ANAPC1: variants seen among roughly 807,000 people sequenced by gnomAD.
The protein encoded by ANAPC1 is anaphase-promoting complex subunit 1.
A neutral mutation model predicts 208.0 loss-of-function variants in ANAPC1; 36 were observed. The observed-to-expected ratio is 0.17, with a 90% CI of 0.13 to 0.23. ANAPC1 has a LOEUF of 0.23. Among genes scored for constraint, ANAPC1 ranks in the 10% least tolerant of loss-of-function variants. The pLI, the probability that ANAPC1 is intolerant of heterozygous loss-of-function variation, is 1.00. For synonymous variants in ANAPC1, 378 were observed against 695.2 expected (o/e 0.54, Z 7.18); for missense variants, 942 against 2,011.6 (o/e 0.47, Z 10.17).
chr2:111,825,765 G>C lies in ANAPC1; in HGVS notation c.2704+12C>G. 1.2e-6 allele frequency: 2 copies of C among 1,606,816 alleles called. No individual in the cohort carries two copies. The highest frequency in any genetic ancestry group is 1.7e-6 in the Non-Finnish European group (2 of 1,177,636). ...AAAATTTGTTTCCAGAGGCAACATT[G>C]CACCAACTTACCTATAGTTATTCTG... On this transcript the variant is annotated intron_variant, in intron 22 of 47. Transcript: ENST00000341068.
intron 29 of ANAPC1, 101 bp downstream of exon 29, chr2:111,808,846 T>C: frequency 2.0e-6 from 3 of 1,498,390 alleles, no homozygotes; most frequent in Non-Finnish European, 2.8e-6. Flanking sequence ...AAGCTACCAT[T>C]GTCTTTCCTT....
intron 45 of ANAPC1, among the ~76,000 whole-genome samples, chr2:111,777,972 T>A (rs1677077013): frequency 6.6e-6 from 1 of 152,298 alleles, no homozygotes; most frequent in Non-Finnish European, 1.5e-5. Context: ...AGATGAGGCA[T>A]GGAATTAAAG....
chr2:111,780,806 A>G (rs1157181919), intron 43 of ANAPC1: 1 of 152,550 alleles, frequency 6.6e-6, no homozygotes, highest in Admixed American at 6.4e-5. Context: ...AATCAAAATC[A>G]CAGAGACATA....
intron 16 of ANAPC1, among the ~76,000 whole-genome samples, chr2:111,846,548 T>TATAC (rs1364922360): frequency 9.8e-5 from 6 of 61,222 alleles, no homozygotes; most frequent in South Asian, 5.1e-4. Flanking sequence ...TATATATATA[T>TATAC]ATATATATAT....
chr2:111,856,269 T>A (rs767765348), intron 13 of ANAPC1: 5 of 206,940 alleles, frequency 2.4e-5, no homozygotes, highest in Non-Finnish European at 4.9e-5. Context: ...ACATTTAATA[T>A]AGTGAAACTT....
chr2:111,831,826 C>CCAAA lies in ANAPC1; in HGVS notation c.2477-393_2477-392insTTTG, dbSNP rs1553425748. 3.0e-3 allele frequency among the ~76,000 whole-genome samples: 88 copies of CCAAA among 28,994 alleles called. 11 individuals carry two copies. Among genetic ancestry groups the CCAAA allele is most frequent in the African/African-American group, 4.4e-3 (20 of 4,588 alleles). The allele number at this position is 28,994 out of a possible 152,430, so 19.0% of individuals were successfully genotyped here. On this transcript the variant is annotated intron_variant, in intron 20 of 47. Transcript: ENST00000341068. ...TAAGAGACAGAGCGAGACTCTGTCTCAAAAAAAAAAAAAAAAAAAAGAATA... is the reference window on the plus strand; with the variant it reads ...TAAGAGACAGAGCGAGACTCTGTCTCCAAAAAAAAAAAAAAAAAAAAAAAGAATA...
At chr2:111,870,599 A>G (rs1252774716) in intron 6 of ANAPC1, among the ~76,000 whole-genome samples, 1 of 152,180 alleles carries the variant, frequency 6.6e-6, no homozygotes, top group Non-Finnish European at 1.5e-5. Flanking sequence ...TCTGGATACT[A>G]GTGCTTTGTT....
intron 34 of ANAPC1, among the ~76,000 whole-genome samples, chr2:111,798,352 C>T (rs937804231): frequency 4.1e-4 from 63 of 152,334 alleles, no homozygotes; most frequent in Admixed American, 1.6e-3. Context: ...AACACACATT[C>T]TCCTGAGAAT....
chr2:111,881,138 A>G (rs1167682874), intron 1 of ANAPC1, among the ~76,000 whole-genome samples: 2 of 151,786 alleles, frequency 1.3e-5, no homozygotes, highest in Non-Finnish European at 2.9e-5. Context: ...CTATACGCTA[A>G]TTTTTCCATA....
At chr2:111,838,028 T>A (rs1680564707) in intron 18 of ANAPC1, among the ~76,000 whole-genome samples, 1 of 145,172 alleles carries the variant, frequency 6.9e-6, no homozygotes, top group African/African-American at 2.5e-5. Flanking sequence ...GAGATTGCAG[T>A]GAGCTCAGAT....
At chr2:111,857,071 T>C (rs182417453) in intron 11 of ANAPC1, 185 bp from the exon 12 acceptor site, 11,967 of 547,582 alleles carry the variant, frequency 0.022, 541 homozygotes, top group African/African-American at 0.17. Context: ...CAGTGGGTAA[T>C]GGTGTATGTG....
chr2:111,883,700 G>T (rs1187033198), intron 1 of ANAPC1, among the ~76,000 whole-genome samples: 1 of 152,172 alleles, frequency 6.6e-6, no homozygotes, highest in African/African-American at 2.4e-5. Flanking sequence ...CTGCACATGG[G>T]ATGCTACGCA....
chr2:111,772,423 T>A lies in ANAPC1; in HGVS notation c.5637A>T (p.Glu1879Asp), dbSNP rs1475794365. 6.2e-7 allele frequency: 1 copy of A among 1,601,448 alleles called. No individual in the cohort carries two copies. The highest frequency in any genetic ancestry group is 1.7e-5 in the Admixed American group (1 of 58,928). The change falls in exon 47 of 48, where the codon GAA (glutamate) becomes GAT (aspartate). Residue 1879 changes from glutamate (E) to aspartate (D), a missense_variant. Transcript: ENST00000341068. Reference sequence around the variant, plus strand: ...AGCAGGCCAGCATGCTCAGCTGTGATTCCTCCAAGGGCTGCCCGCTGAGGT... The same window carrying A: ...AGCAGGCCAGCATGCTCAGCTGTGAATCCTCCAAGGGCTGCCCGCTGAGGT... Reference protein sequence around the residue: ...HAYLSGQPLEESQLSMLACFL... With the variant: ...HAYLSGQPLEDSQLSMLACFL...
At chr2:111,812,574 A>T (rs1269800949) in intron 28 of ANAPC1, among the ~76,000 whole-genome samples, 1 of 145,658 alleles carries the variant, frequency 6.9e-6, no homozygotes, top group Non-Finnish European at 1.5e-5. Context: ...GTTTTCCTGG[A>T]AAAAACTGAG....
chr2:111,828,973 G>A (rs1369739344), intron 21 of ANAPC1, among the ~76,000 whole-genome samples: 1 of 152,192 alleles, frequency 6.6e-6, no homozygotes, highest in Non-Finnish European at 1.5e-5. Flanking sequence ...CCTGCACTTT[G>A]GGAGGCCAAG....
chr2:111,799,063 C>T (rs539780827), intron 34 of ANAPC1, among the ~76,000 whole-genome samples: 15 of 150,456 alleles, frequency 1.0e-4, no homozygotes, highest in Non-Finnish European at 2.1e-4. Flanking sequence ...TGACAAAGAA[C>T]GGGTTTCTAG....
Position 111,825,809 on chromosome 2 carries a change from T to C in ANAPC1, c.2672A>G (p.Glu891Gly). ...ILGDESLVSDESSQYLTRITI... is the reference protein window; with the variant it reads ...ILGDESLVSDGSSQYLTRITI... The stretch of plus-strand genomic sequence containing the variant: ...TATTCTGGTTAAATACTGTGAGGAT[T>C]CATCAGAAACCAAGCTCTCATCACC... The change falls in exon 22 of 48, where the codon GAA becomes GGA. Residue 891 changes from glutamate (E) to glycine (G), a missense_variant. Coordinates refer to ENST00000341068, the MANE Select transcript of ANAPC1 (RefSeq NM_022662.4). 6.2e-7 allele frequency: 1 copy of C among 1,613,830 alleles called. No individual in the cohort carries two copies. Among genetic ancestry groups the C allele is most frequent in the Non-Finnish European group, 8.5e-7 (1 of 1,179,760 alleles).
At position 111,850,856 on chromosome 2, in the gene ANAPC1, T is replaced by C. The variant is rs146328036; in HGVS notation, c.1570A>G (p.Thr524Ala). ...LPAPSLTMSN[T>A]MPRPSTPLDG... ...AGTGGAGTACTGGGCCGAGGCATTG[T>C]GTTGGACATCGTCAGAGAGGGAGCT... Residue 524 changes from threonine to alanine, a missense_variant, in exon 14 of 48, where the codon ACA (threonine) becomes GCA (alanine). Physicochemically the swap from Thr to Ala is moderately conservative, Grantham distance 58. Coordinates refer to ENST00000341068, the MANE Select transcript of ANAPC1 (RefSeq NM_022662.4). 1.3e-3 allele frequency: 2,141 copies of C among 1,611,656 alleles called. 2 individuals are homozygous for C. The highest frequency in any genetic ancestry group is 1.7e-3 in the Non-Finnish European group (2,055 of 1,179,778).
At chr2:111,789,285 T>C (rs1200831383) in intron 38 of ANAPC1, among the ~76,000 whole-genome samples, 2 of 151,770 alleles carry the variant, frequency 1.3e-5, no homozygotes, top group African/African-American at 2.4e-5. Context: ...AAATTTTCCT[T>C]AAATTACTTT....
Sources: allele counts gnomAD v4.1 joint callset (sites outside exome capture counted in the v4.1 genomes callset), GRCh38; gene constraint gnomAD v4.1.1; transcripts MANE v1.5; gene names NCBI Gene and HGNC (gene_info 2026-07-23, HGNC 2026-07-21).